Variants in ACADM observed in about 807,000 individuals in gnomAD.
ACADM encodes medium-chain specific acyl-CoA dehydrogenase, mitochondrial.
A neutral mutation model predicts 58.9 loss-of-function variants in ACADM; 49 were observed. The ratio of observed to expected loss-of-function variants is 0.83; its 90% confidence interval spans 0.66 to 1.06. ACADM has a LOEUF of 1.06. ACADM is among the 50% of genes least tolerant of loss of function. The probability of loss-of-function intolerance (pLI) is 0.00; values close to 1 mark genes in which losing one functional copy is unlikely to be tolerated. For synonymous variants in ACADM, 160 were observed against 157.7 expected (o/e 1.01, Z -0.11); for missense variants, 496 against 507.0 (o/e 0.98, Z 0.21).
chr1:75,761,764 C>T (rs752716944), intron 11 of ACADM: 6 of 229,340 alleles, frequency 2.6e-5, no homozygotes, highest in Non-Finnish European at 4.3e-5. Context: ...CAAAAACCAA[C>T]ATCAGGAGAC....
At chr1:75,725,715 G>T (rs1031899158) in intron 1 of ACADM, among the ~76,000 whole-genome samples, 1 of 152,180 alleles carries the variant, frequency 6.6e-6, no homozygotes, top group Non-Finnish European at 1.5e-5. Context: ...TCGATATTTG[G>T]AATTTCATTG....
At chr1:75,729,916 A>C (rs1275581779) in intron 2 of ACADM, among the ~76,000 whole-genome samples, 1 of 83,262 alleles carries the variant, frequency 1.2e-5, no homozygotes, top group African/African-American at 5.6e-5. Flanking sequence ...TTTTTTTGAG[A>C]CTGAGTCTTG....
In ACADM at chr1:75,762,768, A is replaced by T. The variant is rs765453281; in HGVS notation, c.*5A>T. The T allele has an allele frequency of 6.4e-7, 1 of 1,550,658 alleles. No individual in the cohort carries two copies. On this transcript the variant is annotated 3_prime_UTR_variant, in exon 12 of 12. Coordinates refer to ENST00000370841, the MANE Select transcript of ACADM (RefSeq NM_000016.6). ...ATTGACAAGTACAAAAATTAAAAAA[A>T]TTACTGTAGAAATATTGAATAACTA...
Position 75,761,184 on chromosome 1 carries a change from T to A in ACADM, c.1008T>A (p.Ser336Arg). The A allele has an allele frequency of 3.7e-6, 6 of 1,614,120 alleles. No individual in the cohort carries two copies. Among genetic ancestry groups the A allele is most frequent in the Non-Finnish European group, 5.1e-6 (6 of 1,179,944 alleles). The change falls in exon 11 of 12, where the codon AGT (serine) becomes AGA (arginine). Residue 336 changes from serine (S) to arginine (R), a missense_variant. Physicochemically the swap from Ser to Arg is moderately radical, Grantham distance 110. Coordinates refer to ENST00000370841, the MANE Select transcript of ACADM (RefSeq NM_000016.6). Reference protein sequence around the residue: ...MAMKVELARMSYQRAAWEVDS... With the variant: ...MAMKVELARMRYQRAAWEVDS... ...TGAAAGTTGAACTAGCTAGAATGAG[T>A]TACCAGAGAGCAGCTTGGGAGGTTG...
At chr1:75,733,070 T>G (rs1443696758) in intron 4 of ACADM, 148 bp downstream of exon 4, 1 of 1,613,082 alleles carries the variant, frequency 6.2e-7, no homozygotes, top group Non-Finnish European at 8.5e-7. Flanking sequence ...TTTGCCCACT[T>G]TTGGAAGCTT....
chr1:75,748,443 G>T (rs986332898), intron 8 of ACADM, among the ~76,000 whole-genome samples: 12 of 152,164 alleles, frequency 7.9e-5, no homozygotes, highest in African/African-American at 2.9e-4. Context: ...AATGTTTATT[G>T]TAATTTTATT....
intron 6 of ACADM, among the ~76,000 whole-genome samples, chr1:75,736,169 G>GACACACACACACACACAC (rs1281866209): frequency 2.3e-4 from 13 of 55,868 alleles, no homozygotes; most frequent in African/African-American, 1.2e-3. Context: ...TACACACACA[G>GACACACACACACACACAC]ACATACACAC....
chr1:75,732,877 G>A lies in ACADM; in HGVS notation c.241G>A (p.Ala81Thr), dbSNP rs1448376709. The A allele has an allele frequency of 1.9e-6, 3 of 1,613,834 alleles. No homozygotes were observed. The South Asian group carries it at 3.3e-5, about 18-fold the overall frequency. Residue 81 changes from alanine (A) to threonine (T), a missense_variant, in exon 4 of 12, where the codon GCC becomes ACC. Physicochemically the swap from Ala to Thr is moderately conservative, Grantham distance 58 (BLOSUM62 0). Transcript: ENST00000370841. Reference sequence around the variant, plus strand: ...GTATCCAGTCCCCCTAATTAGAAGAGCCTGGGAACTTGGTTTAATGAACAC... The same window carrying A: ...GTATCCAGTCCCCCTAATTAGAAGAACCTGGGAACTTGGTTTAATGAACAC... ...GEYPVPLIRR[A>T]WELGLMNTHI...
chr1:75,750,741 T>C, intron 10 of ACADM, 195 bp downstream of exon 10: 3 of 606,094 alleles, frequency 4.9e-6, no homozygotes, highest in South Asian at 2.0e-5. Flanking sequence ...AACCTGACAC[T>C]GTGCTATGCA....
rs369200279 is a variant in ACADM at position 75,734,757 on chromosome 1, G to T, written c.388-34G>T. The T allele has an allele frequency of 1.7e-5, 26 of 1,505,140 alleles. No homozygotes were observed. The African/African-American group carries it at 3.0e-4, about 18-fold the overall frequency. The allele number at this position is 1,505,140 out of a possible 1,614,324, so 93.2% of individuals were successfully genotyped here. Reference sequence around the variant, plus strand: ...CTGAATTTACATATCCAATAAAAATGACTTGATTTTTTAATGTCAATTTTC... The same window carrying T: ...CTGAATTTACATATCCAATAAAAATTACTTGATTTTTTAATGTCAATTTTC... On this transcript the variant is annotated intron_variant, in intron 5 of 11. Coordinates refer to ENST00000370841, the MANE Select transcript of ACADM (RefSeq NM_000016.6).
intron 1 of ACADM, among the ~76,000 whole-genome samples, 183 bp downstream of exon 1, chr1:75,725,000 C>T (rs1032195176): frequency 3.3e-5 from 5 of 152,124 alleles, no homozygotes; most frequent in Admixed American, 6.5e-5. Flanking sequence ...CGTAGCCTAG[C>T]GTTTCATTTT....
intron 8 of ACADM, 124 bp from the exon 9 acceptor site, chr1:75,749,295 T>C (rs961459739): frequency 5.0e-5 from 47 of 942,802 alleles, no homozygotes; most frequent in Non-Finnish European, 7.5e-5. Flanking sequence ...AAAACAGGCA[T>C]TGCAGACTAC....
At chr1:75,749,339 A>G (rs1421516511) in intron 8 of ACADM, 80 bp from the exon 9 acceptor site, 16 of 1,462,222 alleles carry the variant, frequency 1.1e-5, no homozygotes, top group Non-Finnish European at 1.2e-5. Flanking sequence ...TAATTGCAGA[A>G]AGTCATGAAA....
chr1:75,743,385 G>A (rs1199194480), intron 7 of ACADM: 2 of 1,598,140 alleles, frequency 1.3e-6, no homozygotes, highest in African/African-American at 1.3e-5. Context: ...TTCAGTTCCT[G>A]CATGATCAAT....
At chr1:75,731,542 ACTCCT>A (rs1221162384) in intron 2 of ACADM, among the ~76,000 whole-genome samples, 2 of 151,960 alleles carry the variant, frequency 1.3e-5, no homozygotes, top group Non-Finnish European at 2.9e-5. Context: ...TTAGCAATTG[ACTCCT>A]CTCCTCAATC....
intron 7 of ACADM, chr1:75,744,910 G>A (rs1435126721): frequency 2.8e-6 from 1 of 358,970 alleles, no homozygotes; most frequent in Non-Finnish European, 5.4e-6. Flanking sequence ...AACAGGCATA[G>A]ACTGTCTTGT....
At chr1:75,735,294 C>T (rs943284555) in intron 6 of ACADM, among the ~76,000 whole-genome samples, 9 of 128,032 alleles carry the variant, frequency 7.0e-5, no homozygotes, top group Non-Finnish European at 1.2e-4. Flanking sequence ...GCTACCTGGG[C>T]GACAGAGTGA....
chr1:75,762,900 A>G lies in ACADM; in HGVS notation c.*137A>G. 1.6e-6 allele frequency: 1 copy of G among 610,972 alleles called. No homozygotes were observed. Among genetic ancestry groups the G allele is most frequent in the South Asian group, 2.0e-5 (1 of 50,114 alleles). 37.8% of individuals were successfully genotyped at this position (610,972 alleles called of 1,614,324 possible). On this transcript the variant is annotated 3_prime_UTR_variant, in exon 12 of 12. Transcript: ENST00000370841. ...AATCTAAGCAACTGCTTATTATAGT[A>G]GTTTATACTTTTGCTTAACTCTGTT...
chr1:75,726,269 C>T (rs111980323), intron 1 of ACADM, among the ~76,000 whole-genome samples: 2,167 of 151,224 alleles, frequency 0.014, 23 homozygotes, highest in Non-Finnish European at 0.019. Context: ...ATTAGCTGGG[C>T]ATGGTAGCAT....
Sources: allele counts gnomAD v4.1 joint callset (sites outside exome capture counted in the v4.1 genomes callset), GRCh38; gene constraint gnomAD v4.1.1; transcripts MANE v1.5; gene names NCBI Gene and HGNC (gene_info 2026-07-23, HGNC 2026-07-21).